The following ELMO1 variants were observed in gnomAD, a reference collection of about 807,000 sequenced individuals.
The protein encoded by ELMO1 is engulfment and cell motility protein 1.
ELMO1 carries 26 observed loss-of-function variants against 98.9 expected under a neutral mutation model. The ratio of observed to expected loss-of-function variants is 0.26; its 90% confidence interval spans 0.19 to 0.36. The LOEUF is 0.36. ELMO1 is among the 10% of genes least tolerant of loss of function. The pLI is 1.00. For synonymous variants in ELMO1, 346 were observed against 346.0 expected (o/e 1.00, Z 0.00); for missense variants, 627 against 935.2 (o/e 0.67, Z 4.30).
intron 5 of ELMO1, among the ~76,000 whole-genome samples, chr7:37,266,635 C>A (rs1008214498): frequency 6.6e-6 from 1 of 152,146 alleles, no homozygotes; most frequent in Admixed American, 6.5e-5. Flanking sequence ...TATGATTCAC[C>A]TCTTTTGTAC....
At chr7:37,170,036 C>A (rs557353355) in intron 13 of ELMO1, among the ~76,000 whole-genome samples, 2 of 151,954 alleles carry the variant, frequency 1.3e-5, no homozygotes, top group Admixed American at 1.3e-4. Context: ...CGAGTAGCTG[C>A]GATTATAAGC....
At chr7:37,072,547 G>C (rs1047897897) in intron 15 of ELMO1, among the ~76,000 whole-genome samples, 1 of 152,076 alleles carries the variant, frequency 6.6e-6, no homozygotes, top group Non-Finnish European at 1.5e-5. Flanking sequence ...TTATGAACTC[G>C]GAATGCAAAT....
chr7:37,119,123 CA>C (rs1008619611), intron 14 of ELMO1, among the ~76,000 whole-genome samples: 7 of 152,168 alleles, frequency 4.6e-5, no homozygotes, highest in African/African-American at 1.7e-4. Flanking sequence ...TGAAAATACT[CA>C]GCTTAGTTGT....
At chr7:36,896,769 T>C (rs907632390) in intron 16 of ELMO1, among the ~76,000 whole-genome samples, 5 of 152,272 alleles carry the variant, frequency 3.3e-5, no homozygotes, top group South Asian at 2.1e-4. Flanking sequence ...GTGGCATAAA[T>C]GATTAAATTT....
intron 13 of ELMO1, among the ~76,000 whole-genome samples, chr7:37,199,071 C>A (rs1289869280): frequency 6.6e-6 from 1 of 152,182 alleles, no homozygotes; most frequent in African/African-American, 2.4e-5. Context: ...CAGATTCAAC[C>A]CTAACTGCCC....
intron 15 of ELMO1, among the ~76,000 whole-genome samples, chr7:37,049,966 G>C (rs961496442): frequency 6.6e-6 from 1 of 151,798 alleles, no homozygotes; most frequent in Non-Finnish European, 1.5e-5. Context: ...TTTTAGTAGA[G>C]ACAGGGTTTC....
chr7:36,859,666 T>C lies in ELMO1; in HGVS notation c.1983+1993A>G, dbSNP rs566824600. Among the ~76,000 whole-genome samples the C allele has an allele frequency of 6.6e-5, 10 of 152,336 alleles. No homozygotes were observed. In the South Asian group the frequency reaches 8.3e-4, roughly 13 times the overall value. On this transcript the variant is annotated intron_variant, in intron 21 of 21. Coordinates refer to ENST00000310758, the MANE Select transcript of ELMO1 (RefSeq NM_014800.11). ...GACACGTTTCTTAAGCTCTCTTGCC[T>C]CATTTCCCTCTTTTAAATGGGGATT...
chr7:36,885,414 T>G (rs1804885067), intron 18 of ELMO1, among the ~76,000 whole-genome samples: 1 of 152,138 alleles, frequency 6.6e-6, no homozygotes, highest in Non-Finnish European at 1.5e-5. Context: ...ACCTACCCAC[T>G]TCAACCTAGT....
chr7:36,869,337 C>A (rs1803321927), intron 20 of ELMO1, among the ~76,000 whole-genome samples: 1 of 152,326 alleles, frequency 6.6e-6, no homozygotes, highest in East Asian at 1.9e-4. Flanking sequence ...CTGCCCTCTG[C>A]CTTCCTGAAC....
intron 14 of ELMO1, 91 bp downstream of exon 14, chr7:37,133,038 AC>A: frequency 1.3e-6 from 1 of 799,224 alleles, no homozygotes; most frequent in Non-Finnish European, 1.8e-6. Flanking sequence ...ATATGGGGTC[AC>A]TCATCTAAAG....
At position 37,139,122 on chromosome 7, in the gene ELMO1, T is replaced by A. The variant is rs79163369; in HGVS notation, c.1087-5888A>T. Among the ~76,000 whole-genome samples, 1,121 of 152,286 alleles carry A rather than the reference T, an allele frequency of 7.4e-3. 54 individuals are homozygous for A. In the East Asian group the frequency reaches 0.12, roughly 16 times the overall value. On this transcript the variant is annotated intron_variant, in intron 13 of 21. Coordinates refer to ENST00000310758, the MANE Select transcript of ELMO1 (RefSeq NM_014800.11). Reference sequence around the variant, plus strand: ...AACAAACTCACCATCAACATTCTACTGAATAGGCAAAAGGTGGAAGCATTC... The same window carrying A: ...AACAAACTCACCATCAACATTCTACAGAATAGGCAAAAGGTGGAAGCATTC...
intron 10 of ELMO1, among the ~76,000 whole-genome samples, chr7:37,219,043 G>A (rs1160315686): frequency 2.6e-5 from 4 of 152,150 alleles, no homozygotes; most frequent in South Asian, 2.1e-4. Flanking sequence ...CCATTTGCCC[G>A]CCTAACAGCA....
At chr7:37,225,291 T>C (rs193025303) in intron 8 of ELMO1, among the ~76,000 whole-genome samples, 1 of 152,342 alleles carries the variant, frequency 6.6e-6, no homozygotes, top group East Asian at 1.9e-4. Context: ...GATTATTCTT[T>C]CTGTATTTCC....
chr7:36,913,711 GT>G (rs1403381421), intron 16 of ELMO1, among the ~76,000 whole-genome samples: 4 of 152,188 alleles, frequency 2.6e-5, no homozygotes, highest in Non-Finnish European at 4.4e-5. Flanking sequence ...TGAGGAAAAG[GT>G]TTTGAGTGAT....
rs893465353 is a variant in ELMO1 at position 36,872,870 on chromosome 7, T to C, written c.1823-2395A>G. ...TGTAGAAAGTTTTTTTGTTATAATA[T>C]ATAGCATGGTCCATGAACTAGAGAC... On this transcript the variant is annotated intron_variant, in intron 19 of 21. Coordinates refer to ENST00000310758, the MANE Select transcript of ELMO1 (RefSeq NM_014800.11). Among the ~76,000 whole-genome samples the C allele has an allele frequency of 5.3e-5, 8 of 152,210 alleles. No individual in the cohort carries two copies. The East Asian group carries it at 1.5e-3, about 29-fold the overall frequency.
intron 16 of ELMO1, among the ~76,000 whole-genome samples, chr7:37,008,548 G>A (rs965046538): frequency 4.6e-5 from 7 of 151,826 alleles, no homozygotes; most frequent in Non-Finnish European, 1.0e-4. Flanking sequence ...ATTTTTCATA[G>A]ACAGGCTTTA....
At chr7:37,095,123 G>T (rs1174996317) in intron 15 of ELMO1, among the ~76,000 whole-genome samples, 1 of 152,202 alleles carries the variant, frequency 6.6e-6, no homozygotes, top group Non-Finnish European at 1.5e-5. Context: ...ACCAAGGGCA[G>T]TGCAGAGCAG....
intron 15 of ELMO1, among the ~76,000 whole-genome samples, chr7:37,075,256 C>T (rs1797509482): frequency 6.6e-6 from 1 of 151,628 alleles, no homozygotes; most frequent in Non-Finnish European, 1.5e-5. Flanking sequence ...ATGCCATTCT[C>T]CTGCCTCAGC....
chr7:37,042,913 G>C (rs1167714029), intron 15 of ELMO1, among the ~76,000 whole-genome samples: 1 of 152,184 alleles, frequency 6.6e-6, no homozygotes, highest in African/African-American at 2.4e-5. Context: ...CACATTTTCT[G>C]ATACATGATA....
Sources: gnomAD v4.1 joint callset for allele counts (sites outside exome capture counted in the v4.1 genomes callset) on GRCh38, gnomAD v4.1.1 for gene constraint, MANE v1.5 for transcripts, NCBI Gene and HGNC (gene_info 2026-07-23, HGNC 2026-07-21) for gene names.